The following TTR variants were observed in gnomAD, a reference collection of about 807,000 sequenced individuals.
TTR encodes the protein transthyretin, also known as epididymis luminal protein 111.
Under a neutral mutation model 13.7 loss-of-function variants are expected in TTR, and 8 were observed. The ratio of observed to expected loss-of-function variants is 0.58; its 90% CI spans 0.34 to 1.05. The LOEUF (loss-of-function observed/expected upper bound fraction) is 1.05. Among genes scored for constraint, TTR ranks in the 50% least tolerant of loss-of-function variants. The pLI is 0.02. For synonymous variants in TTR, 75 were observed against 71.7 expected (o/e 1.05, Z -0.23); for missense variants, 135 against 185.5 (o/e 0.73, Z 1.58).
At chr18:31,596,517 C>A (rs1412502909) in intron 3 of TTR, among the ~76,000 whole-genome samples, 4 of 152,132 alleles carry the variant, frequency 2.6e-5, no homozygotes, top group Non-Finnish European at 5.9e-5. Context: ...ATAGATCTGC[C>A]TACCTGAGAC....
chr18:31,592,774 G>A (rs1171244964), intron 1 of TTR, 122 bp from the exon 2 acceptor site: 5 of 1,322,170 alleles, frequency 3.8e-6, no homozygotes, highest in South Asian at 2.4e-5. Flanking sequence ...CGACACTTAC[G>A]TTCCTGATAA....
At chr18:31,593,529 A>C (rs2073497737) in intron 2 of TTR, 2 of 169,432 alleles carry the variant, frequency 1.2e-5, no homozygotes. Flanking sequence ...ATTATTAACC[A>C]GGCATCTGTC....
intron 3 of TTR, chr18:31,596,053 A>C (rs1166774267): frequency 6.3e-6 from 1 of 158,134 alleles, no homozygotes; most frequent in African/African-American, 2.4e-5. Flanking sequence ...CCACATTTGT[A>C]ACGTGCTCTG....
chr18:31,595,528 G>T (rs2073512822), intron 3 of TTR: 1 of 552,468 alleles, frequency 1.8e-6, no homozygotes. Context: ...GAATATTGAT[G>T]TATCTGCTGT....
chr18:31,593,109 T>A (rs550504592), intron 2 of TTR, 83 bp downstream of exon 2: 219 of 1,593,550 alleles, frequency 1.4e-4, no homozygotes, highest in Non-Finnish European at 1.6e-4. Flanking sequence ...GCTCACATCA[T>A]CTGCTAAAGA....
chr18:31,592,703 C>A (rs1444530081), intron 1 of TTR, among the ~76,000 whole-genome samples, 193 bp from the exon 2 acceptor site: 1 of 152,180 alleles, frequency 6.6e-6, no homozygotes, highest in Non-Finnish European at 1.5e-5. Flanking sequence ...AGGCAGAAAC[C>A]ATTCTTGCTT....
intron 1 of TTR, among the ~76,000 whole-genome samples, chr18:31,592,413 G>A (rs1274644505): frequency 6.6e-6 from 1 of 152,202 alleles, no homozygotes; most frequent in Admixed American, 6.5e-5. Context: ...ATTCTAGTCA[G>A]ATATCTAATT....
chr18:31,592,075 A>AG, intron 1 of TTR, 104 bp downstream of exon 1: 1 of 1,106,524 alleles, frequency 9.0e-7, no homozygotes, highest in African/African-American at 1.5e-5. Context: ...TACTAGGGCA[A>AG]GGGTACCCAG....
intron 1 of TTR, among the ~76,000 whole-genome samples, chr18:31,592,443 T>C (rs1371078947): frequency 6.6e-6 from 1 of 152,238 alleles, no homozygotes; most frequent in Non-Finnish European, 1.5e-5. Flanking sequence ...TCTAGAAGAA[T>C]TAACTAATAC....
At chr18:31,592,123 G>A in intron 1 of TTR, 152 bp downstream of exon 1, 1 of 802,910 alleles carries the variant, frequency 1.2e-6, no homozygotes, top group Non-Finnish European at 2.0e-6. Context: ...ACTTCAAAAA[G>A]AATGAAGTTC....
intron 2 of TTR, chr18:31,593,345 CCAGAAAAAATGCA>C (rs1479965427): frequency 2.9e-6 from 1 of 340,738 alleles, no homozygotes; most frequent in East Asian, 7.2e-5. Flanking sequence ...CATTCTATGC[CCAGAAAAAATGCA>C]CAGATACACA....
intron 3 of TTR, among the ~76,000 whole-genome samples, chr18:31,597,894 A>G (rs1056033521): frequency 6.6e-6 from 1 of 152,194 alleles, no homozygotes; most frequent in Non-Finnish European, 1.5e-5. Context: ...ATATTTCAAA[A>G]TTCCACCATG....
At chr18:31,592,123 G>C (rs1279062926) in intron 1 of TTR, 152 bp downstream of exon 1, 15 of 802,792 alleles carry the variant, frequency 1.9e-5, no homozygotes, top group African/African-American at 6.9e-5. Context: ...ACTTCAAAAA[G>C]AATGAAGTTC....
rs758040606 is a variant in TTR, at chr18:31,595,361, G to T, written c.336+106G>T. On this transcript the variant is annotated intron_variant, in intron 3 of 3. Coordinates refer to ENST00000237014, the MANE Select transcript of TTR (RefSeq NM_000371.4). ...TGTACCACAGAAATGTCCTAAGGAA[G>T]GTGATGAATGACCAAAGGTTCCCTT... The T allele has an allele frequency of 5.4e-6, 8 of 1,472,696 alleles. No individual in the cohort carries two copies. In the African/African-American group the frequency reaches 8.3e-5, roughly 15 times the overall value. The allele number at this position is 1,472,696 out of a possible 1,614,324, so 91.2% of individuals were successfully genotyped here.
chr18:31,591,990 T>A lies in TTR; in HGVS notation c.69+19T>A. On this transcript the variant is annotated intron_variant, in intron 1 of 3. Coordinates refer to ENST00000237014, the MANE Select transcript of TTR (RefSeq NM_000371.4). Reference sequence around the variant, plus strand: ...CCCTACGGTGAGTGTTTCTGTGACATCCCATTCCTACATTTAAGATTCACG... The same window carrying A: ...CCCTACGGTGAGTGTTTCTGTGACAACCCATTCCTACATTTAAGATTCACG... The A allele has an allele frequency of 1.9e-6, 3 of 1,613,568 alleles. No homozygotes were observed. Among genetic ancestry groups the A allele is most frequent in the Non-Finnish European group, 2.5e-6 (3 of 1,179,504 alleles).
chr18:31,592,380 C>A (rs1241886062), intron 1 of TTR, among the ~76,000 whole-genome samples: 1 of 152,202 alleles, frequency 6.6e-6, no homozygotes, highest in Non-Finnish European at 1.5e-5. Context: ...ATTGATTAAT[C>A]TTTAAAAGGC....
chr18:31,592,252 T>C lies in TTR; in HGVS notation c.69+281T>C, dbSNP rs537428612. Reference sequence around the variant, plus strand: ...CAGATAGATGATAGAAATAAAGATATGATATTAAGGAAGCTGTTAATACTG... The same window carrying C: ...CAGATAGATGATAGAAATAAAGATACGATATTAAGGAAGCTGTTAATACTG... On this transcript the variant is annotated intron_variant, in intron 1 of 3. Transcript: ENST00000237014. 5.0e-4 allele frequency among the ~76,000 whole-genome samples: 76 copies of C among 152,302 alleles called. No homozygotes were observed. The South Asian group carries it at 0.011, about 23-fold the overall frequency.
intron 2 of TTR, among the ~76,000 whole-genome samples, chr18:31,593,771 C>CTT (rs1315044145): frequency 6.6e-6 from 1 of 152,162 alleles, no homozygotes; most frequent in Non-Finnish European, 1.5e-5. Context: ...TGGAGTTTTT[C>CTT]TACCTGCACT....
Position 31,598,707 on chromosome 18 carries a change from A to G in TTR, c.*32A>G, listed in dbSNP as rs1483230084. ...TCTCCTCCAGTGGACCTGAAGGACG[A>G]GGGATGGGATTTCATGTAACCAAGA... is the stretch of plus-strand genomic sequence containing the variant. On this transcript the variant is annotated 3_prime_UTR_variant, in exon 4 of 4. Transcript: ENST00000237014. 1.2e-6 allele frequency: 2 copies of G among 1,607,308 alleles called. No individual in the cohort carries two copies. Among genetic ancestry groups the G allele is most frequent in the Non-Finnish European group, 1.7e-6 (2 of 1,173,870 alleles).
Sources: allele counts gnomAD v4.1 joint callset (sites outside exome capture counted in the v4.1 genomes callset), GRCh38; gene constraint gnomAD v4.1.1; transcripts MANE v1.5; gene names NCBI Gene and HGNC (gene_info 2026-07-23, HGNC 2026-07-21).